KATNIP: variants seen among roughly 807,000 people sequenced by gnomAD.
The protein encoded by KATNIP is katanin interacting protein, also known as katanin-interacting protein.
KATNIP carries 126 observed loss-of-function variants against 174.0 expected under a neutral mutation model. That is an observed-to-expected ratio of 0.72 (90% CI 0.63 to 0.84). The LOEUF is 0.84. Among genes scored for constraint, KATNIP ranks in the 40% least tolerant of loss-of-function variants. The pLI is 0.00. For missense variants in KATNIP, 1,958 were observed against 2,109.7 expected (o/e 0.93, Z 1.41); for synonymous variants, 810 against 835.7 (o/e 0.97, Z 0.53).
intron 8 of KATNIP, among the ~76,000 whole-genome samples, chr16:27,696,190 TG>T (rs1159326551): frequency 1.3e-5 from 2 of 152,242 alleles, no homozygotes; most frequent in African/African-American, 4.8e-5. Flanking sequence ...TTGTAATTCT[TG>T]TTACCCGTGC....
intron 9 of KATNIP, 52 bp from the exon 10 acceptor site, chr16:27,699,482 T>G (rs1192954226): frequency 6.2e-7 from 1 of 1,610,126 alleles, no homozygotes; most frequent in Non-Finnish European, 8.5e-7. Context: ...GTGAACAGCA[T>G]GGAGTGAATG....
At chr16:27,626,826 C>T (rs1481427701) in intron 3 of KATNIP, among the ~76,000 whole-genome samples, 1 of 151,966 alleles carries the variant, frequency 6.6e-6, no homozygotes, top group Non-Finnish European at 1.5e-5. Context: ...GGTGTGGTGG[C>T]ACATGCCTGT....
intron 1 of KATNIP, among the ~76,000 whole-genome samples, chr16:27,566,585 C>T (rs1338827636): frequency 6.6e-6 from 1 of 152,046 alleles, no homozygotes; most frequent in Admixed American, 6.6e-5. Context: ...GTAGTAATGA[C>T]AGGGAGTGCT....
At chr16:27,701,527 G>A in intron 10 of KATNIP, 62 bp from the exon 11 acceptor site, 2 of 1,303,716 alleles carry the variant, frequency 1.5e-6, no homozygotes, top group East Asian at 5.1e-5. Flanking sequence ...CCGTGACCCT[G>A]CTGTGTCTTA....
intron 5 of KATNIP, 132 bp from the exon 6 acceptor site, chr16:27,648,472 C>A: frequency 9.5e-7 from 1 of 1,051,888 alleles, no homozygotes; most frequent in Non-Finnish European, 1.4e-6. Flanking sequence ...ACTGCTGTTG[C>A]ATGCAGGCAC....
rs546565694 is a variant in KATNIP at position 27,699,567 on chromosome 16, A to G, written c.1147A>G (p.Ser383Gly). ...AEGPPAKPWT[S>G]LLEEKEETLE... ...AGGACCACCAGCAAAACCATGGACC[A>G]GTCTGCTGGAGGAGAAGGAAGAGAC... Residue 383 changes from serine to glycine, a missense_variant, in exon 10 of 28, where the codon AGT (serine) becomes GGT (glycine). Transcript: ENST00000261588. 1 of 1,614,226 alleles carries G rather than the reference A, an allele frequency of 6.2e-7. No homozygotes were observed. The highest frequency in any genetic ancestry group is 8.5e-7 in the Non-Finnish European group (1 of 1,180,042).
intron 14 of KATNIP, among the ~76,000 whole-genome samples, chr16:27,731,003 C>A (rs2080656880): frequency 6.6e-6 from 1 of 152,144 alleles, no homozygotes; most frequent in African/African-American, 2.4e-5. Context: ...CTCACAGACC[C>A]CCCGTGGCTG....
Position 27,775,228 on chromosome 16 carries a change from G to T in KATNIP, c.4449+144G>T, listed in dbSNP as rs2082454788. 3.9e-6 allele frequency: 4 copies of T among 1,037,478 alleles called. No homozygotes were observed. In the South Asian group the frequency reaches 6.4e-5, roughly 17 times the overall value. 64.3% of individuals were successfully genotyped at this position (1,037,478 alleles called of 1,614,324 possible). A position where few individuals can be genotyped will look rare whatever the true frequency, so the allele number is the denominator to read the frequency against. On this transcript the variant is annotated intron_variant, in intron 24 of 27. Transcript: ENST00000261588. Reference sequence around the variant, plus strand: ...CTTGGGAGCTGTCAGAAAGGTTTAGGTCTTTGCTAACTTGCCTGATGGGGT... The same window carrying T: ...CTTGGGAGCTGTCAGAAAGGTTTAGTTCTTTGCTAACTTGCCTGATGGGGT...
chr16:27,576,314 G>A (rs990106110), intron 2 of KATNIP, among the ~76,000 whole-genome samples: 3 of 152,114 alleles, frequency 2.0e-5, no homozygotes, highest in Non-Finnish European at 2.9e-5. Flanking sequence ...GAGAAACAGA[G>A]AGTGAAGCTG....
chr16:27,778,414 C>A (rs868251455), intron 27 of KATNIP, among the ~76,000 whole-genome samples, 160 bp from the exon 28 acceptor site: 7 of 152,158 alleles, frequency 4.6e-5, no homozygotes, highest in African/African-American at 7.2e-5. Context: ...CTGCTCCAGG[C>A]GGAGGGAAGG....
rs1282935634 is a variant in KATNIP, at chr16:27,600,975, CACCCGCCT to C, written c.64-17449_64-17442del. Among the ~76,000 whole-genome samples the C allele has an allele frequency of 5.3e-5, 8 of 152,184 alleles. No individual in the cohort carries two copies. In the East Asian group the frequency reaches 1.5e-3, roughly 29 times the overall value. On this transcript the variant is annotated intron_variant, in intron 2 of 27. Coordinates refer to ENST00000261588, the MANE Select transcript of KATNIP (RefSeq NM_015202.5). ...CTCAAACTCCTGACCTCAGGTGATCCACCCGCCTCAGCCTCCCAAAGTGCTGGGATTAC... is the reference window on the plus strand; with the variant it reads ...CTCAAACTCCTGACCTCAGGTGATCCCAGCCTCCCAAAGTGCTGGGATTAC...
chr16:27,720,304 TGGTCTCG>T (rs2080166180), intron 13 of KATNIP, among the ~76,000 whole-genome samples: 1 of 151,990 alleles, frequency 6.6e-6, no homozygotes, highest in Non-Finnish European at 1.5e-5. Flanking sequence ...TTGGCCAGGC[TGGTCTCG>T]AGCTCCTGAC....
chr16:27,569,938 A>G (rs1001610015), intron 1 of KATNIP, among the ~76,000 whole-genome samples: 8 of 151,986 alleles, frequency 5.3e-5, no homozygotes, highest in Admixed American at 4.6e-4. Context: ...TATAGAGACA[A>G]GGTCTTGCTA....
intron 13 of KATNIP, among the ~76,000 whole-genome samples, chr16:27,713,025 C>T (rs1482486787): frequency 6.6e-6 from 1 of 152,092 alleles, no homozygotes; most frequent in Non-Finnish European, 1.5e-5. Context: ...CCAGGCTAAT[C>T]TCGATCTCCT....
intron 2 of KATNIP, among the ~76,000 whole-genome samples, chr16:27,601,798 T>C (rs1306025699): frequency 6.6e-6 from 1 of 152,100 alleles, no homozygotes; most frequent in South Asian, 2.1e-4. Context: ...GGGAGTGCCC[T>C]CCCCTCTTCA....
At chr16:27,755,373 C>T (rs2081681178) in intron 18 of KATNIP, 1 of 152,228 alleles carries the variant, frequency 6.6e-6, no homozygotes, top group South Asian at 2.1e-4. Flanking sequence ...GCTAGGTTCC[C>T]TAGACACAGA....
chr16:27,657,668 T>C (rs1431300998), intron 6 of KATNIP, among the ~76,000 whole-genome samples: 3 of 152,112 alleles, frequency 2.0e-5, no homozygotes, highest in African/African-American at 2.4e-5. Context: ...TCCCAGCACT[T>C]TGGGAGGCCG....
intron 5 of KATNIP, chr16:27,643,214 G>A (rs233462): frequency 0.83 from 125,634 of 152,220 alleles, 52,093 homozygotes; most frequent in East Asian, 1. Flanking sequence ...CCTGTGATTA[G>A]GCTGTGCAAC....
intron 15 of KATNIP, among the ~76,000 whole-genome samples, chr16:27,744,983 G>A (rs1483885766): frequency 6.6e-6 from 1 of 152,064 alleles, no homozygotes; most frequent in Non-Finnish European, 1.5e-5. Flanking sequence ...AAGTAATATA[G>A]GGAATTTATG....
Sources: allele counts gnomAD v4.1 joint callset (sites outside exome capture counted in the v4.1 genomes callset), GRCh38; gene constraint gnomAD v4.1.1; transcripts MANE v1.5; gene names NCBI Gene and HGNC (gene_info 2026-07-23, HGNC 2026-07-21).